CNGA1: variants seen among roughly 807,000 people sequenced by gnomAD.
CNGA1 encodes the protein cyclic nucleotide-gated channel alpha-1.
CNGA1 carries 53 observed loss-of-function variants against 69.7 expected under a neutral mutation model. That is an observed-to-expected ratio of 0.76 (90% CI 0.61 to 0.96). The LOEUF is 0.96. Among genes scored for constraint, CNGA1 ranks in the 40% least tolerant of loss-of-function variants. The pLI is 0.00. For missense variants in CNGA1, 739 were observed against 811.2 expected, an observed-to-expected ratio of 0.91 and a Z score of 1.08; for synonymous variants, 249 against 283.5, an observed-to-expected ratio of 0.88 and a Z score of 1.22.
intron 2 of CNGA1, among the ~76,000 whole-genome samples, chr4:47,992,570 G>A (rs1290299509): frequency 2.0e-5 from 3 of 152,028 alleles, no homozygotes; most frequent in Admixed American, 2.0e-4. Flanking sequence ...TTTTCTGGAG[G>A]AGTCTTTAGG....
intron 2 of CNGA1, among the ~76,000 whole-genome samples, chr4:47,990,484 T>G (rs943670134): frequency 1.3e-5 from 2 of 152,112 alleles, no homozygotes; most frequent in East Asian, 3.9e-4. Flanking sequence ...CGAACCCTGT[T>G]TCCTGTTAAG....
chr4:47,959,897 C>T (rs1218324669), intron 3 of CNGA1, among the ~76,000 whole-genome samples: 3 of 152,028 alleles, frequency 2.0e-5, no homozygotes, highest in Non-Finnish European at 4.4e-5. Flanking sequence ...TGAGCCACCA[C>T]GTCCAGCTCT....
At chr4:48,003,489 C>T (rs113316241) in intron 2 of CNGA1, among the ~76,000 whole-genome samples, 102 of 151,808 alleles carry the variant, frequency 6.7e-4, no homozygotes, top group African/African-American at 2.3e-3. Flanking sequence ...ACCCAGGTGC[C>T]GAGGCAAGAG....
intron 3 of CNGA1, among the ~76,000 whole-genome samples, chr4:47,961,510 A>G (rs1451475191): frequency 6.6e-6 from 1 of 152,228 alleles, no homozygotes; most frequent in Non-Finnish European, 1.5e-5. Context: ...TGGGAGGCCA[A>G]GGAGGGCAGA....
intron 10 of CNGA1, among the ~76,000 whole-genome samples, chr4:47,940,187 T>A (rs987894312): frequency 1.3e-5 from 2 of 152,178 alleles, no homozygotes; most frequent in Non-Finnish European, 2.9e-5. Context: ...ATTTAGAGAA[T>A]GTTCAATTTT....
chr4:47,992,819 C>T (rs988126800), intron 2 of CNGA1, among the ~76,000 whole-genome samples: 1 of 151,972 alleles, frequency 6.6e-6, no homozygotes, highest in Non-Finnish European at 1.5e-5. Flanking sequence ...ATTATGTTGG[C>T]TGTGGGTTTG....
At chr4:47,996,819 G>A (rs1405740335) in intron 2 of CNGA1, among the ~76,000 whole-genome samples, 1 of 152,078 alleles carries the variant, frequency 6.6e-6, no homozygotes, top group African/African-American at 2.4e-5. Context: ...TAGCACTTTG[G>A]GAGGCCGAGG....
At chr4:47,939,704 T>A (rs1738949852) in intron 10 of CNGA1, among the ~76,000 whole-genome samples, 1 of 152,166 alleles carries the variant, frequency 6.6e-6, no homozygotes, top group South Asian at 2.1e-4. Context: ...TGTTACAGAA[T>A]TGCTTGGTGT....
chr4:47,990,956 A>G (rs1356885657), intron 2 of CNGA1, among the ~76,000 whole-genome samples: 1 of 152,188 alleles, frequency 6.6e-6, no homozygotes. Flanking sequence ...TCATCTAGGT[A>G]GCCATGAATG....
intron 3 of CNGA1, among the ~76,000 whole-genome samples, chr4:47,972,829 T>G (rs1010298332): frequency 4.6e-5 from 7 of 152,200 alleles, no homozygotes; most frequent in Non-Finnish European, 1.0e-4. Flanking sequence ...TAACTACAAT[T>G]TAATTTTACC....
At chr4:47,991,253 G>A (rs938795487) in intron 2 of CNGA1, among the ~76,000 whole-genome samples, 5 of 152,132 alleles carry the variant, frequency 3.3e-5, no homozygotes, top group Admixed American at 2.0e-4. Flanking sequence ...CATAGTGATT[G>A]CACTAATTTA....
chr4:48,011,707 G>T (rs1247090621), intron 1 of CNGA1, among the ~76,000 whole-genome samples: 1 of 152,124 alleles, frequency 6.6e-6, no homozygotes, highest in African/African-American at 2.4e-5. Context: ...GAAATATATT[G>T]GTTTGGTCCA....
chr4:47,943,541 C>T, intron 6 of CNGA1, 129 bp from the exon 7 acceptor site: 1 of 576,746 alleles, frequency 1.7e-6, no homozygotes, highest in Non-Finnish European at 2.9e-6. Flanking sequence ...CCCATCTGGT[C>T]TCTTACTGGA....
At chr4:47,947,927 CA>C (rs1211897049) in intron 6 of CNGA1, among the ~76,000 whole-genome samples, 1 of 152,064 alleles carries the variant, frequency 6.6e-6, no homozygotes, top group Non-Finnish European at 1.5e-5. Flanking sequence ...TTACAGAGAC[CA>C]ATGCTATGAC....
In CNGA1 at chr4:47,943,383, T is replaced by C. The variant is rs1398818310; in HGVS notation, c.317A>G (p.Lys106Arg). The change falls in exon 7 of 11, where the codon AAA becomes AGA. Residue 106 changes from lysine to arginine, a missense_variant. Coordinates refer to ENST00000514170, the MANE Select transcript of CNGA1 (RefSeq NM_001379270.1). ...GCCAAAGTCTTACCTCTTCTTTTCTTTTTTCTTTTTCTTTTTTTCTTCTGG... is the reference window on the plus strand; with the variant it reads ...GCCAAAGTCTTACCTCTTCTTTTCTCTTTTCTTTTTCTTTTTTTCTTCTGG... ...QEPEEKKKKK[K>R]EKKSKSDDKN... is the part of the protein sequence containing the mutation. 6 of 1,515,432 alleles carry C rather than the reference T, an allele frequency of 4.0e-6. No individual in the cohort carries two copies. The highest frequency in any genetic ancestry group is 5.3e-6 in the Non-Finnish European group (6 of 1,129,822). 93.9% of individuals were successfully genotyped at this position (1,515,432 alleles called of 1,614,324 possible).
chr4:47,971,666 G>A (rs1042280436), intron 3 of CNGA1, among the ~76,000 whole-genome samples: 5 of 152,060 alleles, frequency 3.3e-5, no homozygotes, highest in Non-Finnish European at 7.4e-5. Flanking sequence ...GGCCAAGGTG[G>A]GCGGATCATT....
At chr4:47,953,356 T>C (rs193081001) in intron 3 of CNGA1, among the ~76,000 whole-genome samples, 2 of 152,290 alleles carry the variant, frequency 1.3e-5, no homozygotes, top group Admixed American at 1.3e-4. Flanking sequence ...AATGTAACTG[T>C]AGAACAAAAC....
intron 3 of CNGA1, among the ~76,000 whole-genome samples, chr4:47,971,759 T>G (rs1253920785): frequency 6.6e-6 from 1 of 152,160 alleles, no homozygotes; most frequent in Non-Finnish European, 1.5e-5. Flanking sequence ...CCGGGCATGG[T>G]GGCATGCGCC....
intron 2 of CNGA1, among the ~76,000 whole-genome samples, chr4:47,983,509 GA>G (rs2110221565): frequency 6.6e-6 from 1 of 152,178 alleles, no homozygotes; most frequent in South Asian, 2.1e-4. Flanking sequence ...AGAATCACTT[GA>G]ACCCAGGAGG....
Sources: gnomAD v4.1 joint callset for allele counts (sites outside exome capture counted in the v4.1 genomes callset) on GRCh38, gnomAD v4.1.1 for gene constraint, MANE v1.5 for transcripts, NCBI Gene and HGNC (gene_info 2026-07-23, HGNC 2026-07-21) for gene names.